DPP10: variants seen among roughly 807,000 people sequenced by gnomAD.
DPP10 encodes inactive dipeptidyl peptidase 10.
DPP10 carries 33 observed loss-of-function variants against 120.9 expected under a neutral mutation model. The observed-to-expected ratio is 0.27, with a 90% CI of 0.21 to 0.37. The LOEUF is 0.37. DPP10 is among the 10% of genes least tolerant of loss of function. The pLI is 1.00. For synonymous variants in DPP10, 337 were observed against 326.1 expected (o/e 1.03, Z -0.36); for missense variants, 816 against 942.8 (o/e 0.87, Z 1.76).
chr2:115,195,436 T>C (rs1288485632), intron 1 of DPP10, among the ~76,000 whole-genome samples: 1 of 152,212 alleles, frequency 6.6e-6, no homozygotes, highest in Non-Finnish European at 1.5e-5. Context: ...TGTGACTATT[T>C]GTCTTGATAG....
At chr2:114,988,322 G>A (rs1460794837) in intron 1 of DPP10, among the ~76,000 whole-genome samples, 1 of 152,086 alleles carries the variant, frequency 6.6e-6, no homozygotes, top group Non-Finnish European at 1.5e-5. Context: ...ACACCTATGT[G>A]GTATCAAATG....
At chr2:114,725,775 T>G (rs918863923) in intron 1 of DPP10, among the ~76,000 whole-genome samples, 6 of 152,210 alleles carry the variant, frequency 3.9e-5, no homozygotes, top group African/African-American at 1.4e-4. Context: ...TAGGAAGTAT[T>G]GGAGAAGAGA....
chr2:115,475,690 G>A (rs2075031259), intron 3 of DPP10, among the ~76,000 whole-genome samples: 1 of 152,174 alleles, frequency 6.6e-6, no homozygotes, highest in African/African-American at 2.4e-5. Context: ...ACAGTTGTGG[G>A]GGCTAAACCC....
At chr2:115,093,730 A>G (rs571296400) in intron 1 of DPP10, among the ~76,000 whole-genome samples, 2 of 152,204 alleles carry the variant, frequency 1.3e-5, no homozygotes, top group East Asian at 3.9e-4. Context: ...ATATGCAGAG[A>G]CACACACATA....
At chr2:114,497,796 A>G (rs1271192282) in intron 1 of DPP10, among the ~76,000 whole-genome samples, 1 of 152,222 alleles carries the variant, frequency 6.6e-6, no homozygotes, top group Non-Finnish European at 1.5e-5. Flanking sequence ...CTTCAATGGA[A>G]AATAAGGCAA....
chr2:114,981,785 T>G (rs997695726), intron 1 of DPP10, among the ~76,000 whole-genome samples: 5 of 151,856 alleles, frequency 3.3e-5, no homozygotes, highest in Non-Finnish European at 7.4e-5. Context: ...TTTTGTTTTT[T>G]TTTTTAGATA....
intron 1 of DPP10, among the ~76,000 whole-genome samples, chr2:114,552,062 C>T (rs901478556): frequency 6.6e-5 from 10 of 152,154 alleles, no homozygotes; most frequent in East Asian, 5.8e-4. Flanking sequence ...GAAGTTGTTT[C>T]GGCTAGGTAC....
rs569366023 is a variant in DPP10 at position 115,791,287 on chromosome 2, A to G, written c.1631A>G (p.Glu544Gly). The G allele has an allele frequency of 6.2e-6, 10 of 1,611,052 alleles. No individual in the cohort carries two copies. In the African/African-American group the frequency reaches 1.3e-4, roughly 22 times the overall value. Reference sequence around the variant, plus strand: ...TAATATTTTGCTCTTTCTTTAAAAGAACTTCCTTTACAGTTGTCCCTTCCC... The same window carrying G: ...TAATATTTTGCTCTTTCTTTAAAAGGACTTCCTTTACAGTTGTCCCTTCCC... ...EIKILHIDDYELPLQLSLPKD... is the reference protein window; with the variant it reads ...EIKILHIDDYGLPLQLSLPKD... Residue 544 changes from glutamate (E) to glycine (G), a missense_variant and splice_region_variant, in exon 19 of 26, where the codon GAA (glutamate) becomes GGA (glycine). Physicochemically the swap from Glu to Gly is moderately conservative, Grantham distance 98. Around this residue, in one of 3 missense-constraint regions of DPP10, gnomAD observed 592 missense variants for 649.0 expected, o/e 0.91. Transcript: ENST00000410059.
At chr2:115,195,556 C>G (rs886347673) in intron 1 of DPP10, among the ~76,000 whole-genome samples, 1 of 152,160 alleles carries the variant, frequency 6.6e-6, no homozygotes, top group Non-Finnish European at 1.5e-5. Flanking sequence ...TGTTCTAACA[C>G]GGTGAATACT....
intron 12 of DPP10, among the ~76,000 whole-genome samples, chr2:115,765,111 A>T (rs541265751): frequency 6.6e-6 from 1 of 152,124 alleles, no homozygotes; most frequent in African/African-American, 2.4e-5. Flanking sequence ...CTGAATGTTT[A>T]TCACCAGACA....
At chr2:115,789,945 G>A (rs965177456) in intron 17 of DPP10, among the ~76,000 whole-genome samples, 1 of 152,022 alleles carries the variant, frequency 6.6e-6, no homozygotes. Flanking sequence ...AGAAATTAAA[G>A]ACTCAGATTT....
At chr2:114,614,777 C>T (rs1333825266) in intron 1 of DPP10, among the ~76,000 whole-genome samples, 2 of 152,156 alleles carry the variant, frequency 1.3e-5, no homozygotes, top group African/African-American at 2.4e-5. Flanking sequence ...AAAAAAAGTG[C>T]TTTGACCAAT....
chr2:115,699,036 C>CAAAAAAAA (rs1191197397), intron 7 of DPP10, among the ~76,000 whole-genome samples: 3 of 50,788 alleles, frequency 5.9e-5, no homozygotes, highest in East Asian at 7.3e-4. Flanking sequence ...AAAAAAAAAA[C>CAAAAAAAA]AAAAAAAAAA....
chr2:115,198,588 A>C (rs1316322447), intron 1 of DPP10, among the ~76,000 whole-genome samples: 1 of 152,158 alleles, frequency 6.6e-6, no homozygotes, highest in Non-Finnish European at 1.5e-5. Context: ...CAGCTTCTTA[A>C]ACACGTTGAT....
intron 1 of DPP10, among the ~76,000 whole-genome samples, chr2:115,297,684 T>C (rs1020600873): frequency 2.6e-5 from 4 of 152,020 alleles, no homozygotes; most frequent in African/African-American, 9.7e-5. Context: ...AGAAACTACT[T>C]CTAGATGATT....
chr2:115,277,519 A>G (rs1378006555), intron 1 of DPP10, among the ~76,000 whole-genome samples: 2 of 114,936 alleles, frequency 1.7e-5, no homozygotes, highest in African/African-American at 3.3e-5. Context: ...CTTACATGAC[A>G]TTATGTTACA....
At chr2:114,689,534 C>A (rs1374747197) in intron 1 of DPP10, among the ~76,000 whole-genome samples, 1 of 152,000 alleles carries the variant, frequency 6.6e-6, no homozygotes, top group African/African-American at 2.4e-5. Flanking sequence ...AATAGTGCTG[C>A]AATGAACATA....
chr2:114,705,257 A>T (rs17784443), intron 1 of DPP10, among the ~76,000 whole-genome samples: 5,017 of 152,236 alleles, frequency 0.033, 128 homozygotes, highest in Middle Eastern at 0.068. Context: ...AATATGACAT[A>T]ATCTTTTAGC....
intron 1 of DPP10, among the ~76,000 whole-genome samples, chr2:114,786,831 C>T (rs1038262353): frequency 6.6e-6 from 1 of 152,178 alleles, no homozygotes; most frequent in South Asian, 2.1e-4. Flanking sequence ...GGCTGGGCCT[C>T]TGGAAAATTG....
Sources: allele counts gnomAD v4.1 joint callset (sites outside exome capture counted in the v4.1 genomes callset), GRCh38; gene constraint gnomAD v4.1.1; regional missense constraint gnomAD v4.1.1; transcripts MANE v1.5; gene names NCBI Gene and HGNC (gene_info 2026-07-23, HGNC 2026-07-21).